MDGA1: variants seen among roughly 807,000 people sequenced by gnomAD.
The protein encoded by MDGA1 is MAM domain containing glycosylphosphatidylinositol anchor 1, also known as MAM domain-containing glycosylphosphatidylinositol anchor protein 1.
In MDGA1, 54 loss-of-function variants were observed where a neutral mutation model predicts 101.5. The observed-to-expected ratio is 0.53, with a 90% CI of 0.43 to 0.67. MDGA1 has a LOEUF of 0.67. MDGA1 is among the 30% of genes least tolerant of loss of function. The probability of loss-of-function intolerance (pLI) is 0.00; values close to 1 mark genes in which losing one functional copy is unlikely to be tolerated. For missense variants in MDGA1, 1,083 were observed against 1,323.8 expected, an observed-to-expected ratio of 0.82 and a Z score of 2.82; for synonymous variants, 533 against 558.3, an observed-to-expected ratio of 0.95 and a Z score of 0.64.
chr6:37,641,324 G>A (rs1216026994), intron 14 of MDGA1, among the ~76,000 whole-genome samples: 1 of 152,204 alleles, frequency 6.6e-6, no homozygotes, highest in Non-Finnish European at 1.5e-5. Context: ...CCTTCCCTCA[G>A]AGCCAGGTAT....
rs137888541 is a variant in MDGA1 at position 37,687,880 on chromosome 6, A to G, written c.67+8865T>C. 1.7e-3 allele frequency among the ~76,000 whole-genome samples: 258 copies of G among 152,268 alleles called. 1 individual carries two copies. The highest frequency in any genetic ancestry group is 5.9e-3 in the African/African-American group (246 of 41,550). On this transcript the variant is annotated intron_variant, in intron 1 of 16. Transcript: ENST00000434837. ...TCAAAGAAAACTGTGTTTCTGAAGG[A>G]GACTCCTTCAATCTCTCTAGGTTTG...
chr6:37,638,236 C>T lies in MDGA1; in HGVS notation c.2745G>A (p.Glu915=), dbSNP rs1434645186. ...TGGGATCCGTCTGCTTCCGGGGACA[C>T]TCCCCCTTCTTCAGTGTGACGTCAT... The part of the protein sequence containing the change: ...AIDDVTLKKG[E]CPRKQTDPNK... The change falls in exon 16 of 17, where the codon GAG becomes GAA. Residue 915 remains glutamate, a synonymous_variant. Coordinates refer to ENST00000434837, the MANE Select transcript of MDGA1 (RefSeq NM_153487.4). This position sits in a 1 kb window ranked among gnomAD's most constrained non-coding sequence, Gnocchi z 4.8. 2.5e-6 allele frequency: 4 copies of T among 1,613,704 alleles called. No individual in the cohort carries two copies. In the East Asian group the frequency reaches 6.7e-5, roughly 27 times the overall value.
intron 1 of MDGA1, among the ~76,000 whole-genome samples, chr6:37,688,446 G>A (rs892329676): frequency 1.3e-5 from 2 of 152,156 alleles, no homozygotes; most frequent in Non-Finnish European, 2.9e-5. Context: ...GAAGAGCCTG[G>A]GGTGGAATCT....
chr6:37,671,742 C>T (rs898883018), intron 1 of MDGA1, among the ~76,000 whole-genome samples: 1 of 152,178 alleles, frequency 6.6e-6, no homozygotes, highest in African/African-American at 2.4e-5. Flanking sequence ...CCCCATCCCC[C>T]ATAAGAGAAT....
chr6:37,675,870 G>A (rs1761967842), intron 1 of MDGA1, among the ~76,000 whole-genome samples: 1 of 152,126 alleles, frequency 6.6e-6, no homozygotes, highest in African/African-American at 2.4e-5. Flanking sequence ...AGCAGCCCAG[G>A]GTCTAGATCT....
chr6:37,642,272 TG>T (rs1477882881), intron 14 of MDGA1, among the ~76,000 whole-genome samples: 2 of 148,264 alleles, frequency 1.3e-5, no homozygotes, highest in African/African-American at 5.0e-5. Flanking sequence ...CTCCACCTCC[TG>T]GGTTCAAGCA....
Position 37,652,429 on chromosome 6 carries a change from C to T in MDGA1, c.983-89G>A, listed in dbSNP as rs1310813076. 1 of 980,866 alleles carries T rather than the reference C, an allele frequency of 1.0e-6. No homozygotes were observed. The highest frequency in any genetic ancestry group is 1.5e-6 in the Non-Finnish European group (1 of 671,548). The allele number at this position is 980,866 out of a possible 1,614,324, so 60.8% of individuals were successfully genotyped here. A position where few individuals can be genotyped will look rare whatever the true frequency, so the allele number is the denominator to read the frequency against. On this transcript the variant is annotated intron_variant, in intron 6 of 16. Transcript: ENST00000434837. This position sits in a 1 kb window ranked among gnomAD's most constrained non-coding sequence, Gnocchi z 4.3. ...CCCCAACCCAGACCCAGCTTCTCCC[C>T]TCTAGCTGGCCCTTCTGGGGATAGG...
intron 12 of MDGA1, among the ~76,000 whole-genome samples, chr6:37,645,730 A>G (rs1761177481): frequency 6.6e-6 from 1 of 152,022 alleles, no homozygotes; most frequent in Non-Finnish European, 1.5e-5. Context: ...CTGGCCTTTA[A>G]ACCCCAGAAT....
intron 1 of MDGA1, among the ~76,000 whole-genome samples, chr6:37,668,871 G>A (rs10947691): frequency 0.44 from 67,424 of 151,676 alleles, 15,902 homozygotes; most frequent in Non-Finnish European, 0.53. Flanking sequence ...TTTTTGAGAC[G>A]GAGTCTAGCT....
chr6:37,692,455 G>A (rs114762466), intron 1 of MDGA1, among the ~76,000 whole-genome samples: 1 of 150,786 alleles, frequency 6.6e-6, no homozygotes. Context: ...TGGCAGGGAC[G>A]TGGGGGCAGT....
In MDGA1 at chr6:37,655,410, C is replaced by T. The variant is rs1228769563; in HGVS notation, c.579+290G>A. ...CCACAGGTTCCCAATACTCTGCCAC[C>T]CAGCAGCAGACTGGGATGACCTGTC... On this transcript the variant is annotated intron_variant, in intron 4 of 16. Transcript: ENST00000434837. This position sits in a 1 kb window ranked among gnomAD's most constrained non-coding sequence, Gnocchi z 5.1. 5.4e-6 allele frequency: 2 copies of T among 368,720 alleles called. No individual in the cohort carries two copies. The highest frequency in any genetic ancestry group is 9.8e-6 in the Non-Finnish European group (2 of 204,352). The allele number at this position is 368,720 out of a possible 1,614,324, so 22.8% of individuals were successfully genotyped here.
In MDGA1 at chr6:37,638,505, CG is replaced by C. The variant is rs1763987509; in HGVS notation, c.2667+31del. Reference sequence around the variant, plus strand: ...TCCTGGCCACAGCAACCACCGAAGCCGGGGAGGGTCCTCTGGGCCCTACGGA... The same window carrying C: ...TCCTGGCCACAGCAACCACCGAAGCCGGGAGGGTCCTCTGGGCCCTACGGA... On this transcript the variant is annotated intron_variant, in intron 15 of 16. Coordinates refer to ENST00000434837, the MANE Select transcript of MDGA1 (RefSeq NM_153487.4). This position sits in a 1 kb window ranked among gnomAD's most constrained non-coding sequence, Gnocchi z 4.8. The C allele has an allele frequency of 1.9e-6, 3 of 1,612,042 alleles. No individual in the cohort carries two copies. Among genetic ancestry groups the C allele is most frequent in the Non-Finnish European group, 2.5e-6 (3 of 1,178,798 alleles).
chr6:37,652,298 T>C lies in MDGA1; in HGVS notation c.1025A>G (p.Lys342Arg). ...GCCCAGCTGGATGTTCTCACTCTCTTTGATCACGTCAGGAGTGATCTGGAA... is the reference window on the plus strand; with the variant it reads ...GCCCAGCTGGATGTTCTCACTCTCTCTGATCACGTCAGGAGTGATCTGGAA... ...ATFQITPDVI[K>R]ESENIQLGQD... The change falls in exon 7 of 17, where the codon AAA becomes AGA. Residue 342 changes from lysine to arginine, a missense_variant. Coordinates refer to ENST00000434837, the MANE Select transcript of MDGA1 (RefSeq NM_153487.4). The surrounding 1 kb of genome is among the most constrained non-coding windows in gnomAD (Gnocchi z 4.3). 6.2e-7 allele frequency: 1 copy of C among 1,613,858 alleles called. No individual in the cohort carries two copies. The highest frequency in any genetic ancestry group is 8.5e-7 in the Non-Finnish European group (1 of 1,179,834).
At chr6:37,664,912 C>T (rs1561853194) in intron 1 of MDGA1, among the ~76,000 whole-genome samples, 2 of 149,914 alleles carry the variant, frequency 1.3e-5, no homozygotes, top group Admixed American at 6.7e-5. Context: ...CACACGGCTG[C>T]ACATTGCCCT....
rs536465257 is a variant in MDGA1, at chr6:37,653,559, A to G, written c.982+715T>C. Among the ~76,000 whole-genome samples the G allele has an allele frequency of 9.2e-4, 140 of 152,328 alleles. 1 individual carries two copies. The highest frequency in any genetic ancestry group is 3.3e-3 in the African/African-American group (137 of 41,570). On this transcript the variant is annotated intron_variant, in intron 6 of 16. Coordinates refer to ENST00000434837, the MANE Select transcript of MDGA1 (RefSeq NM_153487.4). ...AAACAGGGAGTGTATATTCAGGGCA[A>G]CTTGAATCGATGCTCTCAGGTAGCC...
intron 16 of MDGA1, chr6:37,637,982 T>C (rs1373247042): frequency 1.8e-5 from 11 of 601,036 alleles, no homozygotes; most frequent in Middle Eastern, 2.6e-4. Context: ...CAGGTCAGTA[T>C]GCTCATCACG....
At chr6:37,677,939 A>G (rs1762016821) in intron 1 of MDGA1, among the ~76,000 whole-genome samples, 1 of 152,128 alleles carries the variant, frequency 6.6e-6, no homozygotes, top group Non-Finnish European at 1.5e-5. Context: ...GGGGTGCTGC[A>G]CCCCAACTTC....
intron 14 of MDGA1, among the ~76,000 whole-genome samples, chr6:37,641,490 G>T (rs1764080271): frequency 6.6e-6 from 1 of 152,138 alleles, no homozygotes; most frequent in African/African-American, 2.4e-5. Context: ...GGGCAAATGG[G>T]CTGAGCACCC....
intron 8 of MDGA1, 141 bp downstream of exon 8, chr6:37,649,968 T>C: frequency 1.1e-6 from 1 of 921,958 alleles, no homozygotes; most frequent in Non-Finnish European, 1.7e-6. Flanking sequence ...AGCATGGGGC[T>C]GTCAAGGAGC....
Sources: gnomAD v4.1 joint callset for allele counts (sites outside exome capture counted in the v4.1 genomes callset) on GRCh38, gnomAD v4.1.1 for gene constraint, Gnocchi (gnomAD v3.1) non-coding constraint, MANE v1.5 for transcripts, NCBI Gene and HGNC (gene_info 2026-07-23, HGNC 2026-07-21) for gene names.